The following CCSER1 variants were observed in gnomAD, a reference collection of about 807,000 sequenced individuals.
CCSER1 encodes coiled-coil serine rich protein 1, also known as serine-rich coiled-coil domain-containing protein 1.
In CCSER1, 41 loss-of-function variants were observed where a neutral mutation model predicts 82.0. The observed-to-expected ratio is 0.50, with a 90% CI of 0.39 to 0.65. The LOEUF (loss-of-function observed/expected upper bound fraction) is 0.65, where lower values mean the gene tolerates loss of function less well. CCSER1 is among the 30% of genes least tolerant of loss of function. The pLI is 0.00. For missense variants in CCSER1, 1,119 were observed against 1,064.2 expected, an observed-to-expected ratio of 1.05 and a Z score of -0.72; for synonymous variants, 414 against 383.9, an observed-to-expected ratio of 1.08 and a Z score of -0.92.
intron 5 of CCSER1, among the ~76,000 whole-genome samples, chr4:90,525,623 C>T (rs1773659416): frequency 6.6e-6 from 1 of 151,954 alleles, no homozygotes; most frequent in African/African-American, 2.4e-5. Flanking sequence ...AATTTGCCTT[C>T]CTACTATTAT....
intron 9 of CCSER1, among the ~76,000 whole-genome samples, chr4:91,022,868 T>C (rs1042567941): frequency 2.6e-5 from 4 of 152,216 alleles, no homozygotes; most frequent in Non-Finnish European, 5.9e-5. Flanking sequence ...TTTATTTTTT[T>C]CTTGTAAATT....
intron 7 of CCSER1, among the ~76,000 whole-genome samples, chr4:90,789,292 CCTT>C (rs1228303531): frequency 6.6e-6 from 1 of 152,120 alleles, no homozygotes; most frequent in Non-Finnish European, 1.5e-5. Flanking sequence ...ATCTCACTCT[CCTT>C]CTTAAATTTG....
chr4:91,209,244 A>G (rs1384494067), intron 10 of CCSER1, among the ~76,000 whole-genome samples: 2 of 151,878 alleles, frequency 1.3e-5, no homozygotes, highest in Non-Finnish European at 2.9e-5. Context: ...GACTTCCAAT[A>G]CTACATTGAT....
At chr4:90,891,857 C>A (rs779234562) in intron 8 of CCSER1, among the ~76,000 whole-genome samples, 2 of 152,074 alleles carry the variant, frequency 1.3e-5, no homozygotes, top group Non-Finnish European at 2.9e-5. Flanking sequence ...TAAAGTTTTA[C>A]TGTTTGACAT....
intron 9 of CCSER1, among the ~76,000 whole-genome samples, chr4:91,018,268 T>C (rs1226469052): frequency 6.6e-6 from 1 of 152,132 alleles, no homozygotes; most frequent in East Asian, 1.9e-4. Flanking sequence ...TAGTATTTCT[T>C]TTCTTAATAA....
chr4:91,174,675 A>G (rs1005899154), intron 10 of CCSER1, among the ~76,000 whole-genome samples: 53 of 152,272 alleles, frequency 3.5e-4, no homozygotes, highest in African/African-American at 1.3e-3. Flanking sequence ...AGATTATCCA[A>G]CTATCTAATG....
chr4:91,450,911 A>C (rs763056607), intron 10 of CCSER1, among the ~76,000 whole-genome samples: 1 of 152,046 alleles, frequency 6.6e-6, no homozygotes, highest in Non-Finnish European at 1.5e-5. Flanking sequence ...AAGTTGTAAT[A>C]CATGAAACAT....
intron 8 of CCSER1, among the ~76,000 whole-genome samples, chr4:90,922,985 A>G (rs1312030137): frequency 6.6e-6 from 1 of 152,184 alleles, no homozygotes; most frequent in Non-Finnish European, 1.5e-5. Context: ...TGGGTCTTTT[A>G]TTAAGAATAT....
chr4:90,774,243 T>C (rs1195742335), intron 7 of CCSER1, among the ~76,000 whole-genome samples: 1 of 152,148 alleles, frequency 6.6e-6, no homozygotes, highest in Non-Finnish European at 1.5e-5. Flanking sequence ...GCATGGTAAA[T>C]TCCTGTGAAA....
chr4:91,373,852 A>T (rs1750209541), intron 10 of CCSER1, among the ~76,000 whole-genome samples: 1 of 152,230 alleles, frequency 6.6e-6, no homozygotes, highest in Admixed American at 6.5e-5. Flanking sequence ...GAAATTAAAA[A>T]TGCTACTCCA....
At chr4:90,867,774 A>T (rs146260037) in intron 8 of CCSER1, among the ~76,000 whole-genome samples, 1 of 152,010 alleles carries the variant, frequency 6.6e-6, no homozygotes, top group South Asian at 2.1e-4. Context: ...TTTGGCTCCC[A>T]CAAATGAATG....
chr4:91,442,535 G>A (rs1201065669), intron 10 of CCSER1, among the ~76,000 whole-genome samples: 12 of 134,206 alleles, frequency 8.9e-5, no homozygotes, highest in Non-Finnish European at 1.8e-4. Context: ...GAAAACCTAG[G>A]CATTACCATT....
At chr4:90,532,890 C>G (rs577707905) in intron 5 of CCSER1, among the ~76,000 whole-genome samples, 2 of 151,998 alleles carry the variant, frequency 1.3e-5, no homozygotes, top group African/African-American at 4.8e-5. Flanking sequence ...GTATTCTGTT[C>G]TTACTGTTTC....
intron 6 of CCSER1, among the ~76,000 whole-genome samples, chr4:90,695,072 A>ATGTATATATATATGTATATATG (rs1418363771): frequency 1.3e-5 from 2 of 148,468 alleles, no homozygotes; most frequent in Non-Finnish European, 3.0e-5. Context: ...ATTTATATAT[A>ATGTATATATATATGTATATATG]TATGTATATA....
rs1277103755 is a variant in CCSER1, at chr4:90,612,330, CAG to C, written c.1725-15694_1725-15693del. Among the ~76,000 whole-genome samples, 25 of 152,162 alleles carry C rather than the reference CAG, an allele frequency of 1.6e-4. 1 individual carries two copies. Among genetic ancestry groups the C allele is most frequent in the Admixed American group, 9.8e-4 (15 of 15,284 alleles). On this transcript the variant is annotated intron_variant, in intron 5 of 10. Transcript: ENST00000509176. Reference sequence around the variant, plus strand: ...ATTTCTTGTTGATAATTCAGTAGGACAGGGTATTTGGAGAACGGGGTATATTT... The same window carrying C: ...ATTTCTTGTTGATAATTCAGTAGGACGGTATTTGGAGAACGGGGTATATTT...
intron 4 of CCSER1, among the ~76,000 whole-genome samples, chr4:90,400,928 C>T (rs1316103904): frequency 6.6e-6 from 1 of 152,072 alleles, no homozygotes; most frequent in Admixed American, 6.5e-5. Flanking sequence ...TTGGGACCTA[C>T]TGCATACATT....
At chr4:90,589,165 A>G (rs1302340143) in intron 5 of CCSER1, among the ~76,000 whole-genome samples, 1 of 152,180 alleles carries the variant, frequency 6.6e-6, no homozygotes, top group Non-Finnish European at 1.5e-5. Context: ...AAATTATTCA[A>G]TTAGGTAAAG....
At chr4:90,864,826 TG>T (rs1483742312) in intron 8 of CCSER1, among the ~76,000 whole-genome samples, 1 of 152,108 alleles carries the variant, frequency 6.6e-6, no homozygotes. Flanking sequence ...CGATATCTGT[TG>T]AACTATGCTA....
intron 10 of CCSER1, among the ~76,000 whole-genome samples, chr4:91,317,528 G>A (rs1745916489): frequency 6.6e-6 from 1 of 151,818 alleles, no homozygotes; most frequent in Admixed American, 6.6e-5. Flanking sequence ...AGCTTTGCCT[G>A]GAAAAGTACC....
Sources: gnomAD v4.1 joint callset for allele counts (sites outside exome capture counted in the v4.1 genomes callset) on GRCh38, gnomAD v4.1.1 for gene constraint, MANE v1.5 for transcripts, NCBI Gene and HGNC (gene_info 2026-07-23, HGNC 2026-07-21) for gene names.